The following RYR2 variants were observed in gnomAD, a reference collection of about 807,000 sequenced individuals.
RYR2 encodes ryanodine receptor 2, also known as cardiac muscle ryanodine receptor-calcium release channel.
Under a neutral mutation model 601.1 loss-of-function variants are expected in RYR2, and 227 were observed. That is an observed-to-expected ratio of 0.38 (90% confidence interval 0.34 to 0.42). The LOEUF (loss-of-function observed/expected upper bound fraction) is 0.42, where lower values mean the gene tolerates loss of function less well. Ranked by LOEUF, RYR2 falls within the 10% of genes least tolerant of loss-of-function variation. The probability of loss-of-function intolerance (pLI) is 1.00; values close to 1 mark genes in which losing one functional copy is unlikely to be tolerated. For synonymous variants in RYR2, 2,223 were observed against 2,175.1 expected, an observed-to-expected ratio of 1.02 and a Z score of -0.61; for missense variants, 4,646 against 6,156.5, an observed-to-expected ratio of 0.75 and a Z score of 8.21.
chr1:237,242,916 C>T (rs1359677396), intron 1 of RYR2, among the ~76,000 whole-genome samples: 1 of 152,144 alleles, frequency 6.6e-6, no homozygotes, highest in Admixed American at 6.5e-5. Context: ...GTGTTATTGA[C>T]TCACATAAGT....
At chr1:237,170,927 T>C (rs531738264) in intron 1 of RYR2, among the ~76,000 whole-genome samples, 1 of 152,270 alleles carries the variant, frequency 6.6e-6, no homozygotes, top group East Asian at 1.9e-4. Flanking sequence ...GTAGTTCTAG[T>C]TCCTGGAGGT....
At chr1:237,089,189 G>T (rs183396660) in intron 1 of RYR2, among the ~76,000 whole-genome samples, 150 of 152,214 alleles carry the variant, frequency 9.9e-4, no homozygotes, top group Non-Finnish European at 3.5e-4. Context: ...CTCAGTGTGG[G>T]GGTAACTGTA....
At chr1:237,691,813 G>C (rs1323378233) in intron 63 of RYR2, among the ~76,000 whole-genome samples, 1 of 152,192 alleles carries the variant, frequency 6.6e-6, no homozygotes, top group Non-Finnish European at 1.5e-5. Context: ...GTGATTATAA[G>C]TTGGTGCACA....
At chr1:237,663,260 C>T (rs10925489) in intron 56 of RYR2, among the ~76,000 whole-genome samples, 15,350 of 152,192 alleles carry the variant, frequency 0.1, 2,303 homozygotes, top group African/African-American at 0.32. Context: ...TCTTGTTAAA[C>T]CTCTTCGTCT....
At chr1:237,155,267 C>T (rs1415287571) in intron 1 of RYR2, among the ~76,000 whole-genome samples, 2 of 149,484 alleles carry the variant, frequency 1.3e-5, no homozygotes, top group Admixed American at 6.8e-5. Flanking sequence ...TCTCCACCTC[C>T]CGAGTTCACG....
chr1:237,340,275 C>T (rs1167035573), intron 3 of RYR2, among the ~76,000 whole-genome samples: 5 of 152,162 alleles, frequency 3.3e-5, no homozygotes, highest in African/African-American at 9.7e-5. Context: ...CTGTCTCATT[C>T]GTACAGTGTT....
At chr1:237,534,027 G>A (rs751388205) in intron 25 of RYR2, among the ~76,000 whole-genome samples, 35 of 151,966 alleles carry the variant, frequency 2.3e-4, no homozygotes, top group Admixed American at 1.6e-3. Context: ...CTCCATGTGC[G>A]TAACAGAAAT....
chr1:237,251,265 G>T (rs987754668), intron 1 of RYR2, among the ~76,000 whole-genome samples: 2 of 152,038 alleles, frequency 1.3e-5, no homozygotes, highest in Non-Finnish European at 2.9e-5. Flanking sequence ...GTCAAGAGTT[G>T]TCTGTACCTG....
chr1:237,469,277 A>C (rs963209782), intron 17 of RYR2, 90 bp downstream of exon 17: 35 of 754,748 alleles, frequency 4.6e-5, no homozygotes, highest in Middle Eastern at 2.7e-4. Context: ...AAAAAAAAAA[A>C]AACAACTTTG....
intron 1 of RYR2, among the ~76,000 whole-genome samples, chr1:237,170,343 G>A (rs2148901316): frequency 6.6e-6 from 1 of 152,264 alleles, no homozygotes; most frequent in East Asian, 1.9e-4. Context: ...AGCTCCACAT[G>A]TTTGAAGGCA....
intron 14 of RYR2, among the ~76,000 whole-genome samples, chr1:237,450,554 T>A (rs1657964384): frequency 6.6e-6 from 1 of 152,122 alleles, no homozygotes; most frequent in Non-Finnish European, 1.5e-5. Context: ...TTTTTTTGGG[T>A]TGTTTCAGAG....
intron 41 of RYR2, among the ~76,000 whole-genome samples, chr1:237,629,655 A>C (rs1040308258): frequency 1.9e-4 from 29 of 152,254 alleles, no homozygotes; most frequent in African/African-American, 6.5e-4. Context: ...AAAGAAACTT[A>C]GAGTTAATTC....
intron 21 of RYR2, 142 bp downstream of exon 21, chr1:237,501,045 C>A: frequency 1.3e-6 from 1 of 778,396 alleles, no homozygotes; most frequent in Non-Finnish European, 2.1e-6. Context: ...TTGCCTGTGC[C>A]TTGAAGGAGG....
chr1:237,281,936 T>C (rs1690919396), intron 2 of RYR2, among the ~76,000 whole-genome samples: 1 of 152,012 alleles, frequency 6.6e-6, no homozygotes, highest in Admixed American at 6.6e-5. Flanking sequence ...ACACTTGGAG[T>C]ATATACTGCA....
chr1:237,400,960 A>C (rs1051464789), intron 10 of RYR2, among the ~76,000 whole-genome samples: 1 of 152,186 alleles, frequency 6.6e-6, no homozygotes, highest in African/African-American at 2.4e-5. Flanking sequence ...CCTAAAGAAG[A>C]GGCGTGTTTG....
rs745565940 is a variant in RYR2, at chr1:237,614,381, C to G, written c.5253C>G (p.Ile1751Met). 1 of 1,613,870 alleles carries G rather than the reference C, an allele frequency of 6.2e-7. No individual in the cohort carries two copies. Among genetic ancestry groups the G allele is most frequent in the Non-Finnish European group, 8.5e-7 (1 of 1,179,890 alleles). ...DENKKHGLPG[I>M]GLSTSLRPRM... ...ACAAAAAACACGGCCTTCCAGGGATCGGCCTCAGCACCTCCCTCAGGCCAC... is the reference window on the plus strand; with the variant it reads ...ACAAAAAACACGGCCTTCCAGGGATGGGCCTCAGCACCTCCCTCAGGCCAC... The change falls in exon 37 of 105, where the codon ATC (isoleucine) becomes ATG (methionine). Residue 1751 changes from isoleucine (I) to methionine (M), a missense_variant. Ile to Met is a conservative substitution (Grantham distance 10). Around this residue, in one of 17 missense-constraint regions of RYR2, gnomAD observed 1,807 missense variants for 2,088.1 expected, o/e 0.87. Transcript: ENST00000366574. The surrounding 1 kb of genome is among the most constrained non-coding windows in gnomAD (Gnocchi z 4.3).
Position 237,452,661 on chromosome 1 carries a change from T to C in RYR2, c.1293-1730T>C, listed in dbSNP as rs574297251. ...GGAGGAACCTGTATTTGTTAGGTAA[T>C]AATATAGTTTAATCTTTAAATTACA... On this transcript the variant is annotated intron_variant, in intron 14 of 104. Coordinates refer to ENST00000366574, the MANE Select transcript of RYR2 (RefSeq NM_001035.3). 4.6e-5 allele frequency among the ~76,000 whole-genome samples: 7 copies of C among 150,570 alleles called. No homozygotes were observed. The South Asian group carries it at 1.5e-3, about 31-fold the overall frequency.
intron 2 of RYR2, among the ~76,000 whole-genome samples, chr1:237,315,685 TA>T: frequency 6.6e-6 from 1 of 152,138 alleles, no homozygotes; most frequent in Admixed American, 6.5e-5. Context: ...ATGTTGTCCA[TA>T]AATATGTGTA....
intron 5 of RYR2, among the ~76,000 whole-genome samples, chr1:237,367,769 T>C (rs1459237766): frequency 6.6e-6 from 1 of 152,196 alleles, no homozygotes; most frequent in Non-Finnish European, 1.5e-5. Context: ...CCATGATTGC[T>C]TCCTCCTTCT....
Sources: allele counts gnomAD v4.1 joint callset (sites outside exome capture counted in the v4.1 genomes callset), GRCh38; gene constraint gnomAD v4.1.1; regional missense constraint gnomAD v4.1.1; non-coding constraint Gnocchi (gnomAD v3.1); transcripts MANE v1.5; gene names NCBI Gene and HGNC (gene_info 2026-07-23, HGNC 2026-07-21).